Variants in GPC5 observed in about 807,000 individuals in gnomAD.
GPC5 encodes glypican 5.
A neutral mutation model predicts 53.9 loss-of-function variants in GPC5; 47 were observed. That is an observed-to-expected ratio of 0.87 (90% CI 0.69 to 1.11). The LOEUF (loss-of-function observed/expected upper bound fraction) is 1.11, where lower values mean the gene tolerates loss of function less well. Among genes scored for constraint, GPC5 ranks in the 50% most tolerant of loss-of-function variants. GPC5 has a pLI of 0.00. For synonymous variants in GPC5, 286 were observed against 263.3 expected, an observed-to-expected ratio of 1.09 and a Z score of -0.84; for missense variants, 748 against 713.1, an observed-to-expected ratio of 1.05 and a Z score of -0.56.
chr13:92,434,301 G>C (rs758358959), intron 7 of GPC5, among the ~76,000 whole-genome samples: 2 of 152,038 alleles, frequency 1.3e-5, no homozygotes, highest in Non-Finnish European at 2.9e-5. Flanking sequence ...TATTTTTCTT[G>C]AGTCATTCAA....
At chr13:91,418,164 A>G (rs551692909) in intron 1 of GPC5, among the ~76,000 whole-genome samples, 16 of 152,194 alleles carry the variant, frequency 1.1e-4, no homozygotes, top group African/African-American at 3.4e-4. Flanking sequence ...CATGTCATAT[A>G]TAGAGCGTTT....
chr13:92,322,893 C>T (rs2043225330), intron 7 of GPC5, among the ~76,000 whole-genome samples: 3 of 151,990 alleles, frequency 2.0e-5, no homozygotes, highest in South Asian at 4.1e-4. Flanking sequence ...CTGCATCTCA[C>T]ACCAGGAAAA....
In GPC5 at chr13:92,060,936, G is replaced by A. The variant is rs375068266; in HGVS notation, c.1402-83894G>A. On this transcript the variant is annotated intron_variant, in intron 6 of 7. Transcript: ENST00000377067. ...TTTAGCCTGTTCTTTGCAGCTATCC[G>A]TAGGCAATAGAAGCAAACCACAAAC... Among the ~76,000 whole-genome samples the A allele has an allele frequency of 3.9e-4, 60 of 152,040 alleles. No individual in the cohort carries two copies. The East Asian group carries it at 8.7e-3, about 22-fold the overall frequency.
chr13:92,142,756 G>C (rs376258421), intron 6 of GPC5, among the ~76,000 whole-genome samples: 7 of 152,088 alleles, frequency 4.6e-5, no homozygotes, highest in Non-Finnish European at 8.8e-5. Context: ...TTCTTGCCAC[G>C]ATCCCAGTAA....
At chr13:92,788,542 CA>C (rs1405691598) in intron 7 of GPC5, among the ~76,000 whole-genome samples, 1 of 152,170 alleles carries the variant, frequency 6.6e-6, no homozygotes, top group African/African-American at 2.4e-5. Context: ...TTTGTGTCAG[CA>C]CATCTAAATT....
At chr13:91,468,365 T>C (rs1185523777) in intron 2 of GPC5, among the ~76,000 whole-genome samples, 2 of 152,158 alleles carry the variant, frequency 1.3e-5, no homozygotes, top group East Asian at 3.9e-4. Flanking sequence ...CAGTACTTCA[T>C]AATGTAACCT....
At chr13:91,588,793 T>G (rs188120889) in intron 2 of GPC5, among the ~76,000 whole-genome samples, 16 of 152,212 alleles carry the variant, frequency 1.1e-4, no homozygotes, top group Middle Eastern at 3.4e-3. Flanking sequence ...CTTTCATTCT[T>G]TTGGCTCTGG....
At chr13:92,545,079 C>T (rs1406616903) in intron 7 of GPC5, among the ~76,000 whole-genome samples, 1 of 151,956 alleles carries the variant, frequency 6.6e-6, no homozygotes, top group African/African-American at 2.4e-5. Context: ...CTCACCCCAC[C>T]CCACAACAGG....
chr13:92,618,485 A>T (rs1884770246), intron 7 of GPC5, among the ~76,000 whole-genome samples: 1 of 152,076 alleles, frequency 6.6e-6, no homozygotes, highest in Non-Finnish European at 1.5e-5. Flanking sequence ...AAGTAGATAC[A>T]CCTGTGATTA....
chr13:92,559,494 G>C, intron 7 of GPC5, among the ~76,000 whole-genome samples: 1 of 151,566 alleles, frequency 6.6e-6, no homozygotes, highest in Non-Finnish European at 1.5e-5. Flanking sequence ...GAAGAGCCTA[G>C]CCAGGAGCAC....
chr13:91,653,436 A>G (rs2034767280), intron 2 of GPC5, among the ~76,000 whole-genome samples: 1 of 152,172 alleles, frequency 6.6e-6, no homozygotes, highest in Admixed American at 6.6e-5. Flanking sequence ...AAAAATAGAA[A>G]GAATGAATAA....
intron 7 of GPC5, among the ~76,000 whole-genome samples, chr13:92,744,416 A>AAGGCTGAAGATT (rs1167273363): frequency 6.6e-6 from 1 of 152,002 alleles, no homozygotes; most frequent in African/African-American, 2.4e-5. Context: ...GAAAGAGATC[A>AAGGCTGAAGATT]AGGCTGAAGA....
chr13:92,677,685 A>G (rs1342357105), intron 7 of GPC5, among the ~76,000 whole-genome samples: 1 of 152,208 alleles, frequency 6.6e-6, no homozygotes, highest in African/African-American at 2.4e-5. Context: ...CAGAGGCAAA[A>G]GTAGTCATGG....
intron 7 of GPC5, among the ~76,000 whole-genome samples, chr13:92,358,695 T>C (rs1344772092): frequency 6.6e-6 from 1 of 151,830 alleles, no homozygotes; most frequent in East Asian, 1.9e-4. Context: ...GCTTATGGCT[T>C]ACACCCTTGG....
At chr13:91,616,946 A>G (rs543744424) in intron 2 of GPC5, among the ~76,000 whole-genome samples, 3 of 152,204 alleles carry the variant, frequency 2.0e-5, no homozygotes, top group African/African-American at 7.2e-5. Context: ...TGCACAAAAC[A>G]TCTTTTGGGG....
rs1880201651 is a variant in GPC5 at position 92,502,031 on chromosome 13, A to G, written c.1561+357042A>G. ...CGAAAGAAGAGCGACAAAAATGGCA[A>G]CTATTGGGGTAAATAGACTTGTTCT... is the stretch of plus-strand genomic sequence containing the variant. On this transcript the variant is annotated intron_variant, in intron 7 of 7. Transcript: ENST00000377067. Among the ~76,000 whole-genome samples the G allele has an allele frequency of 3.9e-5, 6 of 152,116 alleles. No homozygotes were observed. In the South Asian group the frequency reaches 1.2e-3, roughly 31 times the overall value.
At position 91,847,219 on chromosome 13, in the gene GPC5, C is replaced by CAAAAA. The variant is rs58401616; in HGVS notation, c.1281-60703_1281-60699dup. On this transcript the variant is annotated intron_variant, in intron 5 of 7. Transcript: ENST00000377067. ...TGGGCGACAGAGCAAGACTCCATCT[C>CAAAAA]AAAAAAAAAAAAAAAAAAAGAAATG... 1.6e-3 allele frequency among the ~76,000 whole-genome samples: 134 copies of CAAAAA among 86,010 alleles called. 2 individuals carry two copies. In the Middle Eastern group the frequency reaches 0.051, roughly 33 times the overall value. The allele number at this position is 86,010 out of a possible 152,430, so 56.4% of individuals were successfully genotyped here.
At chr13:92,125,923 GGTTTTTTTTTTTTTTTT>G (rs2041691582) in intron 6 of GPC5, among the ~76,000 whole-genome samples, 3 of 41,536 alleles carry the variant, frequency 7.2e-5, no homozygotes, top group African/African-American at 7.3e-5. Flanking sequence ...TTTGTTTTTT[GGTTTTTTTTTTTTTTTT>G]TTTTTTTTTT....
At chr13:92,645,045 C>T (rs1474773410) in intron 7 of GPC5, among the ~76,000 whole-genome samples, 1 of 152,134 alleles carries the variant, frequency 6.6e-6, no homozygotes, top group Non-Finnish European at 1.5e-5. Flanking sequence ...TTCACTAATT[C>T]TACTTGCACA....
Sources: gnomAD v4.1 joint callset for allele counts (sites outside exome capture counted in the v4.1 genomes callset) on GRCh38, gnomAD v4.1.1 for gene constraint, MANE v1.5 for transcripts, NCBI Gene and HGNC (gene_info 2026-07-23, HGNC 2026-07-21) for gene names.